CCDC146: variants seen among roughly 807,000 people sequenced by gnomAD.
The protein encoded by CCDC146 is coiled-coil domain containing 146.
A neutral mutation model predicts 119.3 loss-of-function variants in CCDC146; 92 were observed. That is an observed-to-expected ratio of 0.77 (90% CI 0.65 to 0.92). The LOEUF is 0.92. Ranked by LOEUF, CCDC146 falls within the 40% of genes least tolerant of loss-of-function variation. The pLI is 0.00. For missense variants in CCDC146, 1,000 were observed against 1,103.0 expected, an observed-to-expected ratio of 0.91 and a Z score of 1.32; for synonymous variants, 372 against 371.8, an observed-to-expected ratio of 1.00 and a Z score of -0.01.
At chr7:77,243,056 C>T (rs1413458050) in intron 4 of CCDC146, among the ~76,000 whole-genome samples, 1 of 152,122 alleles carries the variant, frequency 6.6e-6, no homozygotes, top group Non-Finnish European at 1.5e-5. Context: ...AGTGCTCTTT[C>T]AGTTGAGAAA....
At chr7:77,292,583 C>T (rs1793968318) in intron 17 of CCDC146, among the ~76,000 whole-genome samples, 1 of 148,070 alleles carries the variant, frequency 6.8e-6, no homozygotes, top group South Asian at 2.1e-4. Context: ...CGCTACTGCA[C>T]TCCAGCCAGG....
At chr7:77,236,804 C>T (rs375484315) in intron 2 of CCDC146, 143 bp from the exon 3 acceptor site, 44 of 619,180 alleles carry the variant, frequency 7.1e-5, no homozygotes, top group East Asian at 6.5e-4. Context: ...AAACACCTGG[C>T]ATGTTTCCAG....
At chr7:77,232,280 T>C (rs949618033) in intron 2 of CCDC146, among the ~76,000 whole-genome samples, 13 of 152,182 alleles carry the variant, frequency 8.5e-5, no homozygotes, top group African/African-American at 3.1e-4. Context: ...AGTTTATATA[T>C]CTGCCACTTT....
At position 77,293,142 on chromosome 7, in the gene CCDC146, G is replaced by T; in HGVS notation, c.2606G>T (p.Trp869Leu). The change falls in exon 18 of 19, where the codon TGG (tryptophan) becomes TTG (leucine). Residue 869 changes from tryptophan (W) to leucine (L), a missense_variant. Transcript: ENST00000285871. ...LPLNKEIEKE[W>L]LKVLRDEEMH... ...CTCAATAAGGAAATTGAGAAAGAAT[G>T]GTTGAAAGTCCTTCGAGATGAAGAA... The T allele has an allele frequency of 6.2e-7, 1 of 1,614,166 alleles. No homozygotes were observed. The highest frequency in any genetic ancestry group is 8.5e-7 in the Non-Finnish European group (1 of 1,180,030).
rs1347065918 is a variant in CCDC146, at chr7:77,199,922, A to G, written c.156+32098A>G. On this transcript the variant is annotated intron_variant, in intron 2 of 18. Transcript: ENST00000285871. Reference sequence around the variant, plus strand: ...GAGCGTTTGCATCACAAGTTTTAGAAACGCACAGGAAGAGGAGATAGCCCT... The same window carrying G: ...GAGCGTTTGCATCACAAGTTTTAGAGACGCACAGGAAGAGGAGATAGCCCT... 5 of 1,110,626 alleles carry G rather than the reference A, an allele frequency of 4.5e-6. No homozygotes were observed. The African/African-American group carries it at 7.8e-5, about 17-fold the overall frequency. The allele number at this position is 1,110,626 out of a possible 1,614,324, so 68.8% of individuals were successfully genotyped here.
chr7:77,149,303 C>G (rs1357283002), intron 1 of CCDC146, among the ~76,000 whole-genome samples: 1 of 152,164 alleles, frequency 6.6e-6, no homozygotes, highest in African/African-American at 2.4e-5. Flanking sequence ...GGATCCCTTC[C>G]TTACACCTTA....
intron 1 of CCDC146, among the ~76,000 whole-genome samples, chr7:77,142,490 G>A (rs548722504): frequency 1.6e-4 from 25 of 151,774 alleles, no homozygotes; most frequent in Admixed American, 8.5e-4. Flanking sequence ...GTATACATGT[G>A]CCATGTATAC....
intron 2 of CCDC146, chr7:77,194,656 C>G (rs12537725): frequency 2.0e-5 from 3 of 152,028 alleles, no homozygotes; most frequent in Admixed American, 1.3e-4. Flanking sequence ...AAAGATGCAT[C>G]TTTGTAAATA....
chr7:77,198,250 A>C, intron 2 of CCDC146: 2 of 985,404 alleles, frequency 2.0e-6, no homozygotes, highest in Non-Finnish European at 2.4e-6. Flanking sequence ...CTGGGGATGG[A>C]GCATGCCTGA....
chr7:77,283,841 T>C (rs1449886052), intron 15 of CCDC146, among the ~76,000 whole-genome samples: 1 of 152,206 alleles, frequency 6.6e-6, no homozygotes, highest in Non-Finnish European at 1.5e-5. Context: ...GCTGTATAGA[T>C]AATAGCCTCT....
intron 14 of CCDC146, among the ~76,000 whole-genome samples, chr7:77,281,897 GACAA>G: frequency 6.6e-6 from 1 of 152,272 alleles, no homozygotes; most frequent in South Asian, 2.1e-4. Context: ...AAAGCGTTTG[GACAA>G]ACAGTGTGCA....
intron 1 of CCDC146, among the ~76,000 whole-genome samples, chr7:77,130,938 C>G (rs1463020571): frequency 6.6e-6 from 1 of 150,988 alleles, no homozygotes. Context: ...GTCATCCAGG[C>G]TGGAGTGCAA....
At chr7:77,251,720 C>T (rs1053938292) in intron 4 of CCDC146, among the ~76,000 whole-genome samples, 45 of 152,150 alleles carry the variant, frequency 3.0e-4, no homozygotes, top group Admixed American at 2.7e-3. Flanking sequence ...ACCTTTGGAG[C>T]TGTGATTCTC....
At chr7:77,223,765 G>A (rs925883667) in intron 2 of CCDC146, among the ~76,000 whole-genome samples, 7 of 152,240 alleles carry the variant, frequency 4.6e-5, no homozygotes, top group African/African-American at 1.7e-4. Flanking sequence ...CTTATAGGAT[G>A]TCAAATTATG....
chr7:77,228,746 A>G (rs572823806), intron 2 of CCDC146, among the ~76,000 whole-genome samples: 1 of 152,232 alleles, frequency 6.6e-6, no homozygotes, highest in African/African-American at 2.4e-5. Context: ...GTCTTCTACA[A>G]TGGCTGAAAT....
At position 77,207,201 on chromosome 7, in the gene CCDC146, T is replaced by C. The variant is rs1260875558; in HGVS notation, c.157-29746T>C. ...TCTAAGGAAGTCTTTTAAAACATGA[T>C]TGAAAGTATAGCATTCTGAGGTATA... On this transcript the variant is annotated intron_variant, in intron 2 of 18. Transcript: ENST00000285871. Among the ~76,000 whole-genome samples the C allele has an allele frequency of 2.6e-5, 4 of 152,326 alleles. No homozygotes were observed. In the East Asian group the frequency reaches 7.7e-4, roughly 29 times the overall value.
rs1356366501 is a variant in CCDC146 at position 77,241,856 on chromosome 7, T to A, written c.405T>A (p.Asn135Lys). The change falls in exon 4 of 19, where the codon AAT becomes AAA. Residue 135 changes from asparagine to lysine, a missense_variant. Physicochemically the swap from Asn to Lys is moderately conservative, Grantham distance 94. This residue lies in a region of CCDC146 where 985 missense variants were observed against 1,045.3 expected (regional missense o/e 0.94). Transcript: ENST00000285871. ...EQLLKYQNEYNAVKEREFHNQ... is the reference protein window; with the variant it reads ...EQLLKYQNEYKAVKEREFHNQ... Reference sequence around the variant, plus strand: ...TTCTCAAGTATCAAAATGAATATAATGCAGTGAAGGAAAGAGAGTTCCATA... The same window carrying A: ...TTCTCAAGTATCAAAATGAATATAAAGCAGTGAAGGAAAGAGAGTTCCATA... 2 of 1,613,838 alleles carry A rather than the reference T, an allele frequency of 1.2e-6. No individual in the cohort carries two copies. Among genetic ancestry groups the A allele is most frequent in the South Asian group, 2.2e-5 (2 of 91,080 alleles).
chr7:77,236,929 T>G lies in CCDC146; in HGVS notation c.157-18T>G. On this transcript the variant is annotated intron_variant, in intron 2 of 18. Transcript: ENST00000285871. ...AAGAGAATGGTGATTAACAGTGACC[T>G]TATGTTCTCTTTGCTAGTTACATGC... The G allele has an allele frequency of 6.3e-7, 1 of 1,592,834 alleles. No individual in the cohort carries two copies. Among genetic ancestry groups the G allele is most frequent in the Non-Finnish European group, 8.6e-7 (1 of 1,160,600 alleles).
intron 1 of CCDC146, among the ~76,000 whole-genome samples, chr7:77,136,904 C>A (rs1790867471): frequency 1.3e-5 from 2 of 152,128 alleles, no homozygotes; most frequent in African/African-American, 2.4e-5. Flanking sequence ...TTATATACCA[C>A]TACCAAATGG....
Sources: gnomAD v4.1 joint callset for allele counts (sites outside exome capture counted in the v4.1 genomes callset) on GRCh38, gnomAD v4.1.1 for gene constraint, gnomAD v4.1.1 regional missense constraint, MANE v1.5 for transcripts, NCBI Gene and HGNC (gene_info 2026-07-23, HGNC 2026-07-21) for gene names.